NFATC1: variants seen among roughly 807,000 people sequenced by gnomAD.
NFATC1 encodes nuclear factor of activated T cells 1.
Under a neutral mutation model 76.0 loss-of-function variants are expected in NFATC1, and 22 were observed. The observed-to-expected ratio is 0.29, with a 90% CI of 0.21 to 0.41. The LOEUF (loss-of-function observed/expected upper bound fraction) is 0.41. Among genes scored for constraint, NFATC1 ranks in the 10% least tolerant of loss-of-function variants. The probability of loss-of-function intolerance (pLI) is 1.00; values close to 1 mark genes in which losing one functional copy is unlikely to be tolerated. For synonymous variants in NFATC1, 704 were observed against 613.1 expected (o/e 1.15, Z -2.19); for missense variants, 1,357 against 1,337.7 (o/e 1.01, Z -0.23).
intron 9 of NFATC1, among the ~76,000 whole-genome samples, chr18:79,503,590 C>T (rs1194156242): frequency 6.6e-6 from 1 of 152,134 alleles, no homozygotes; most frequent in Non-Finnish European, 1.5e-5. Context: ...GGAGATTCCG[C>T]GTCATTCTTA....
Position 79,461,341 on chromosome 18 carries a change from A to C in NFATC1, c.1934A>C (p.Lys645Thr), listed in dbSNP as rs768575753. ...CACCATGTCTGGGAGATGGAAGCGA[A>C]AACTGACCGGGACCTGTGCAAGCCG... is the stretch of plus-strand genomic sequence containing the variant. Reference protein sequence around the residue: ...DGHHVWEMEAKTDRDLCKPNS... With the variant: ...DGHHVWEMEATTDRDLCKPNS... The change falls in exon 7 of 10, where the codon AAA becomes ACA. Residue 645 changes from lysine to threonine, a missense_variant. Coordinates refer to ENST00000427363, the MANE Select transcript of NFATC1 (RefSeq NM_001278669.2). The C allele has an allele frequency of 3.0e-5, 45 of 1,489,588 alleles. No individual in the cohort carries two copies. Among genetic ancestry groups the C allele is most frequent in the African/African-American group, 2.7e-5 (1 of 37,530 alleles). 92.3% of individuals were successfully genotyped at this position (1,489,588 alleles called of 1,614,324 possible).
intron 8 of NFATC1, among the ~76,000 whole-genome samples, 167 bp from the exon 9 acceptor site, chr18:79,486,081 C>A (rs147234692): frequency 6.7e-6 from 1 of 149,082 alleles, no homozygotes; most frequent in East Asian, 1.9e-4. Flanking sequence ...CTCTCTCGGC[C>A]GATGACTCAC....
chr18:79,424,991 G>A (rs1216261158), intron 2 of NFATC1, among the ~76,000 whole-genome samples: 2 of 114,370 alleles, frequency 1.7e-5, no homozygotes, highest in East Asian at 2.8e-4. Flanking sequence ...GTCTCTCTGT[G>A]TCTATCTCTG....
At chr18:79,501,835 CAG>C (rs1233352003) in intron 9 of NFATC1, among the ~76,000 whole-genome samples, 2 of 152,112 alleles carry the variant, frequency 1.3e-5, no homozygotes, top group Admixed American at 1.3e-4. Flanking sequence ...CTGAAAATGA[CAG>C]AACGTTGCTG....
chr18:79,469,314 T>C lies in NFATC1; in HGVS notation c.2092+1732T>C, dbSNP rs1035525077. On this transcript the variant is annotated intron_variant, in intron 8 of 9. Transcript: ENST00000427363. ...GAGCAGTGCATTAATTTTTTTCTTATTTGCTCAGCATGCGGCAGTCCCCAC... is the reference window on the plus strand; with the variant it reads ...GAGCAGTGCATTAATTTTTTTCTTACTTGCTCAGCATGCGGCAGTCCCCAC... 2.0e-5 allele frequency: 20 copies of C among 985,304 alleles called. No individual in the cohort carries two copies. The African/African-American group carries it at 3.1e-4, about 15-fold the overall frequency. The allele number at this position is 985,304 out of a possible 1,614,324, so 61.0% of individuals were successfully genotyped here. A position where few individuals can be genotyped will look rare whatever the true frequency, so the allele number is the denominator to read the frequency against.
intron 9 of NFATC1, among the ~76,000 whole-genome samples, chr18:79,487,321 G>C (rs1211975879): frequency 6.6e-6 from 1 of 152,236 alleles, no homozygotes; most frequent in Non-Finnish European, 1.5e-5. Context: ...TGCAGTCGGG[G>C]CATCGTGGGT....
intron 9 of NFATC1, among the ~76,000 whole-genome samples, chr18:79,490,545 T>C (rs2145084623): frequency 6.6e-6 from 1 of 152,146 alleles, no homozygotes; most frequent in East Asian, 1.9e-4. Flanking sequence ...TCCAGGTTCC[T>C]CCTGAGCACC....
chr18:79,461,109 T>C (rs1188107648), intron 6 of NFATC1, among the ~76,000 whole-genome samples: 1 of 152,168 alleles, frequency 6.6e-6, no homozygotes, highest in Non-Finnish European at 1.5e-5. Flanking sequence ...AGGGCAACTT[T>C]GGTGTCGAGC....
intron 9 of NFATC1, among the ~76,000 whole-genome samples, chr18:79,507,667 G>A (rs750589450): frequency 5.9e-5 from 9 of 152,212 alleles, no homozygotes; most frequent in South Asian, 2.1e-4. Context: ...CACGTCCCCC[G>A]GAGCCCTAGA....
intron 9 of NFATC1, among the ~76,000 whole-genome samples, chr18:79,514,444 G>A (rs80011023): frequency 0.024 from 3,583 of 151,372 alleles, 130 homozygotes; most frequent in African/African-American, 0.082. Context: ...GTGTGTTGGC[G>A]CTCAGGAGCT....
At position 79,524,018 on chromosome 18, in the gene NFATC1, TATC is replaced by T. The variant is rs1337310378; in HGVS notation, c.2783-3508_2783-3506del. ...AAAAGCTGAATAAGAAGATGGAAATTATCAGCAGAGAGAGCTGGTATGGGAAAC... is the reference window on the plus strand; with the variant it reads ...AAAAGCTGAATAAGAAGATGGAAATTAGCAGAGAGAGCTGGTATGGGAAAC... On this transcript the variant is annotated intron_variant, in intron 9 of 9. Transcript: ENST00000427363. This position sits in a 1 kb window ranked among gnomAD's most constrained non-coding sequence, Gnocchi z 7.2. The T allele has an allele frequency of 6.6e-6, 1 of 152,178 alleles. No individual in the cohort carries two copies. Among genetic ancestry groups the T allele is most frequent in the Non-Finnish European group, 1.5e-5 (1 of 68,032 alleles). 9.4% of individuals were successfully genotyped at this position (152,178 alleles called of 1,614,324 possible).
At chr18:79,503,156 C>T (rs1660151) in intron 9 of NFATC1, among the ~76,000 whole-genome samples, 1 of 152,036 alleles carries the variant, frequency 6.6e-6, no homozygotes, top group Non-Finnish European at 1.5e-5. Flanking sequence ...TACTGAGCAC[C>T]CCAGGACTCA....
chr18:79,474,221 A>ATGT (rs1359328158), intron 8 of NFATC1, among the ~76,000 whole-genome samples: 279 of 8,016 alleles, frequency 0.035, 37 homozygotes, highest in Non-Finnish European at 0.066. Flanking sequence ...CTCACTGTCG[A>ATGT]CGTAAACCTG....
At chr18:79,469,808 GACCAGCCCC>G (rs2088700319) in intron 8 of NFATC1, 17 of 985,252 alleles carry the variant, frequency 1.7e-5, no homozygotes, top group Non-Finnish European at 1.9e-5. Flanking sequence ...CAAGCACACT[GACCAGCCCC>G]ACCAGCCCCC....
At chr18:79,455,848 T>C (rs1465752179) in intron 6 of NFATC1, among the ~76,000 whole-genome samples, 2 of 151,170 alleles carry the variant, frequency 1.3e-5, no homozygotes, top group African/African-American at 2.4e-5. Flanking sequence ...AAGACAGGCC[T>C]GTGGGCAGGC....
At chr18:79,415,789 C>T (rs900408668) in intron 2 of NFATC1, among the ~76,000 whole-genome samples, 1 of 152,104 alleles carries the variant, frequency 6.6e-6, no homozygotes, top group Non-Finnish European at 1.5e-5. Flanking sequence ...TGGCCAGGCG[C>T]AGTGGCTCAC....
At chr18:79,473,853 G>A (rs1202558833) in intron 8 of NFATC1, among the ~76,000 whole-genome samples, 1 of 146,768 alleles carries the variant, frequency 6.8e-6, no homozygotes, top group African/African-American at 2.6e-5. Flanking sequence ...CACACTCACT[G>A]TCAACGTTGT....
At chr18:79,487,113 G>A (rs1007843693) in intron 9 of NFATC1, among the ~76,000 whole-genome samples, 176 bp downstream of exon 9, 11 of 152,290 alleles carry the variant, frequency 7.2e-5, no homozygotes, top group Admixed American at 3.3e-4. Context: ...CGGCGTCAGC[G>A]CCACCTGGGG....
At chr18:79,522,731 G>A (rs1207445526) in intron 9 of NFATC1, among the ~76,000 whole-genome samples, 2 of 152,148 alleles carry the variant, frequency 1.3e-5, no homozygotes, top group East Asian at 1.9e-4. Flanking sequence ...AGATTTGGAG[G>A]AGAGAGGACG....
Sources: allele counts gnomAD v4.1 joint callset (sites outside exome capture counted in the v4.1 genomes callset), GRCh38; gene constraint gnomAD v4.1.1; non-coding constraint Gnocchi (gnomAD v3.1); transcripts MANE v1.5; gene names NCBI Gene and HGNC (gene_info 2026-07-23, HGNC 2026-07-21).